TBX3: variants seen among roughly 807,000 people sequenced by gnomAD.
The protein encoded by TBX3 is T-box transcription factor 3, also known as T-box transcription factor TBX3.
In TBX3, 11 loss-of-function variants were observed where a neutral mutation model predicts 47.8. That is an observed-to-expected ratio of 0.23 (90% confidence interval 0.14 to 0.38). TBX3 has a LOEUF of 0.38. Among genes scored for constraint, TBX3 ranks in the 10% least tolerant of loss-of-function variants. The pLI, the probability that TBX3 is intolerant of heterozygous loss-of-function variation, is 1.00. For missense variants in TBX3, 927 were observed against 1,022.8 expected (o/e 0.91, Z 1.28); for synonymous variants, 500 against 449.3 (o/e 1.11, Z -1.43).
intron 3 of TBX3, among the ~76,000 whole-genome samples, 188 bp from the exon 4 acceptor site, chr12:114,677,844 G>A (rs1868772892): frequency 1.3e-5 from 2 of 152,140 alleles, no homozygotes; most frequent in African/African-American, 4.8e-5. Context: ...GCCAAACCAG[G>A]GATTTGGGGA....
chr12:114,679,076 G>C (rs1402640636), intron 3 of TBX3, among the ~76,000 whole-genome samples: 1 of 152,174 alleles, frequency 6.6e-6, no homozygotes, highest in East Asian at 1.9e-4. Flanking sequence ...GGGGAGAAAA[G>C]CTGGTCTCTA....
rs772542059 is a variant in TBX3 at position 114,672,013 on chromosome 12, T to C, written c.2000A>G (p.Asp667Gly). 6.3e-7 allele frequency: 1 copy of C among 1,596,134 alleles called. No individual in the cohort carries two copies. The highest frequency in any genetic ancestry group is 8.5e-7 in the Non-Finnish European group (1 of 1,171,830). The change falls in exon 7 of 7, where the codon GAC becomes GGC. Residue 667 changes from aspartate (D) to glycine (G), a missense_variant. Asp to Gly is a moderately conservative substitution (Grantham distance 94). Coordinates refer to ENST00000349155, the MANE Select transcript of TBX3 (RefSeq NM_005996.4). ...GCGGCTGTTGAGTTCAGAGCCCGAG[T>C]CCACTGCCACCGAGGCCGGGCTGGC... Reference protein sequence around the residue: ...LAASPASVAVDSGSELNSRSS... With the variant: ...LAASPASVAVGSGSELNSRSS...
intron 3 of TBX3, 121 bp from the exon 4 acceptor site, chr12:114,677,777 T>A: frequency 1.1e-6 from 1 of 898,626 alleles, no homozygotes; most frequent in Non-Finnish European, 1.8e-6. Flanking sequence ...CATATAGATA[T>A]GCCAGGGAAA....
In TBX3 at chr12:114,670,354, T is replaced by C. The variant is rs1565857124; in HGVS notation, c.*1487A>G. 1 of 224,402 alleles carries C rather than the reference T, an allele frequency of 4.5e-6. No homozygotes were observed. The highest frequency in any genetic ancestry group is 8.9e-6 in the Non-Finnish European group (1 of 112,646). 13.9% of individuals were successfully genotyped at this position (224,402 alleles called of 1,614,324 possible). On this transcript the variant is annotated 3_prime_UTR_variant, in exon 7 of 7. Coordinates refer to ENST00000349155, the MANE Select transcript of TBX3 (RefSeq NM_005996.4). Reference sequence around the variant, plus strand: ...ACTCATCAACAACTATAACACAAAATATACCTTCATGAATTTGTCTTTAAA... The same window carrying C: ...ACTCATCAACAACTATAACACAAAACATACCTTCATGAATTTGTCTTTAAA...
intron 6 of TBX3, 115 bp from the exon 7 acceptor site, chr12:114,672,417 CTGTTGT>C (rs904587466): frequency 2.7e-5 from 20 of 744,768 alleles, no homozygotes; most frequent in South Asian, 1.8e-4. Context: ...CTGGTATGTT[CTGTTGT>C]TGTTGTTGTT....
intron 6 of TBX3, among the ~76,000 whole-genome samples, chr12:114,673,035 A>C (rs967012166): frequency 2.6e-5 from 4 of 152,248 alleles, no homozygotes; most frequent in East Asian, 1.9e-4. Context: ...AATTGGCAGA[A>C]GCAGCATTTA....
rs558420030 is a variant in TBX3 at position 114,671,896 on chromosome 12, C to T, written c.2117G>A (p.Arg706Gln). 3.2e-6 allele frequency: 5 copies of T among 1,578,136 alleles called. No homozygotes were observed. Among genetic ancestry groups the T allele is most frequent in the East Asian group, 2.3e-5 (1 of 42,910 alleles). ...AATSELQSIQ[R>Q]LVSGLEAKPD... ...CTTGGCTTCCAAGCCGCTAACCAACCGCTGGATGCTCTGCAGTTCGCTGGT... is the reference window on the plus strand; with the variant it reads ...CTTGGCTTCCAAGCCGCTAACCAACTGCTGGATGCTCTGCAGTTCGCTGGT... Residue 706 changes from arginine (R) to glutamine (Q), a missense_variant, in exon 7 of 7, where the codon CGG (arginine) becomes CAG (glutamine). Coordinates refer to ENST00000349155, the MANE Select transcript of TBX3 (RefSeq NM_005996.4).
At chr12:114,677,751 G>C (rs1868768970) in intron 3 of TBX3, 95 bp from the exon 4 acceptor site, 1 of 1,155,914 alleles carries the variant, frequency 8.7e-7, no homozygotes, top group East Asian at 2.4e-5. Context: ...CTAGAGATGT[G>C]ACTGCCAACA....
chr12:114,671,583 A>C lies in TBX3; in HGVS notation c.*258T>G, dbSNP rs2121373188. On this transcript the variant is annotated 3_prime_UTR_variant, in exon 7 of 7. Coordinates refer to ENST00000349155, the MANE Select transcript of TBX3 (RefSeq NM_005996.4). ...AGTTGCTCTGGACATAAATGTTGGA[A>C]CTCCTACCCCCAGTAGCTCAATGCA... The C allele has an allele frequency of 1.8e-6, 1 of 570,350 alleles. No individual in the cohort carries two copies. The highest frequency in any genetic ancestry group is 2.1e-5 in the South Asian group (1 of 48,546). The allele number at this position is 570,350 out of a possible 1,614,324, so 35.3% of individuals were successfully genotyped here. A position where few individuals can be genotyped will look rare whatever the true frequency, so the allele number is the denominator to read the frequency against.
chr12:114,678,414 GGAA>G (rs546667908), intron 3 of TBX3, among the ~76,000 whole-genome samples: 89 of 152,276 alleles, frequency 5.8e-4, no homozygotes, highest in African/African-American at 2.0e-3. Context: ...CCCCTTGGTG[GGAA>G]GAAGAAGTTA....
At position 114,671,868 on chromosome 12, in the gene TBX3, C is replaced by T. The variant is rs142609038; in HGVS notation, c.2145G>A (p.Pro715=). The change falls in exon 7 of 7, where the codon CCG becomes CCA. Residue 715 remains proline (P), a synonymous_variant. Transcript: ENST00000349155. ...ACGGGGACGCGCTGCGGGACCTGTCCGGCTTGGCTTCCAAGCCGCTAACCA... is the reference window on the plus strand; with the variant it reads ...ACGGGGACGCGCTGCGGGACCTGTCTGGCTTGGCTTCCAAGCCGCTAACCA... ...QRLVSGLEAK[P]DRSRSASP 1.3e-6 allele frequency: 2 copies of T among 1,560,170 alleles called. No homozygotes were observed. The highest frequency in any genetic ancestry group is 1.9e-5 in the Admixed American group (1 of 51,924).
In TBX3 at chr12:114,683,020, C is replaced by G; in HGVS notation, c.181G>C (p.Ala61Pro). The G allele has an allele frequency of 6.2e-7, 1 of 1,610,686 alleles. No individual in the cohort carries two copies. Among genetic ancestry groups the G allele is most frequent in the Non-Finnish European group, 8.5e-7 (1 of 1,177,882 alleles). The change falls in exon 1 of 7, where the codon GCC becomes CCC. Residue 61 changes from alanine to proline, a missense_variant. Ala to Pro is a conservative substitution (Grantham distance 27, BLOSUM62 -1). Transcript: ENST00000349155. This position sits in a 1 kb window ranked among gnomAD's most constrained non-coding sequence, Gnocchi z 7.7. ...AAALSLPGAL[A>P]KPIMDQLVGA... is the part of the protein sequence containing the mutation. ...ACCAATTGATCCATGATCGGCTTGG[C>G]CAGGGCGCCCGGCAGCGAGAGCGCC...
chr12:114,675,633 A>AGTGTGT (rs3068612), intron 5 of TBX3, among the ~76,000 whole-genome samples: 1,632 of 150,054 alleles, frequency 0.011, 7 homozygotes, highest in Non-Finnish European at 0.017. Context: ...TCCCGTTGAG[A>AGTGTGT]GTGTGTGTGT....
In TBX3 at chr12:114,681,008, G is replaced by A. The variant is rs778922142; in HGVS notation, c.528C>T (p.Ala176=). 11 of 1,612,516 alleles carry A rather than the reference G, an allele frequency of 6.8e-6. No individual in the cohort carries two copies. Among genetic ancestry groups the A allele is most frequent in the South Asian group, 4.4e-5 (4 of 90,946 alleles). The change falls in exon 2 of 7, where the codon GCC becomes GCT. Residue 176 remains alanine (A), a synonymous_variant. Coordinates refer to ENST00000349155, the MANE Select transcript of TBX3 (RefSeq NM_005996.4). ...ACATCCTCTTTGGCATTTCGGGGTC[G>A]GCCTTACCAGCCACCATCCACCGAG... ...HNSRWMVAGK[A]DPEMPKRMYI... is the part of the protein sequence containing the mutation.
chr12:114,680,859 A>C lies in TBX3; in HGVS notation c.657+20T>G. The C allele has an allele frequency of 6.2e-7, 1 of 1,614,202 alleles. No homozygotes were observed. Among genetic ancestry groups the C allele is most frequent in the Non-Finnish European group, 8.5e-7 (1 of 1,180,036 alleles). On this transcript the variant is annotated intron_variant, in intron 2 of 6. Transcript: ENST00000349155. The stretch of plus-strand genomic sequence containing the variant: ...AGTGAAGGAGGAGAAAATTTTACTG[A>C]AGAGAGCAATGAAACTTACAAATCC...
intron 4 of TBX3, 121 bp downstream of exon 4, chr12:114,677,459 A>G (rs895711829): frequency 2.7e-5 from 25 of 934,030 alleles, no homozygotes; most frequent in Non-Finnish European, 4.3e-5. Flanking sequence ...CAGTGGGGAA[A>G]GTGAATGATT....
rs752063506 is a variant in TBX3, at chr12:114,680,866, C to T, written c.657+13G>A. ...GAGGAGAAAATTTTACTGAAGAGAG[C>T]AATGAAACTTACAAATCCATGTTTG... On this transcript the variant is annotated intron_variant, in intron 2 of 6. Transcript: ENST00000349155. The T allele has an allele frequency of 2.5e-6, 4 of 1,614,102 alleles. No individual in the cohort carries two copies. Among genetic ancestry groups the T allele is most frequent in the Admixed American group, 1.7e-5 (1 of 60,022 alleles).
chr12:114,678,020 T>TCACACACACACACA (rs3068592), intron 3 of TBX3, among the ~76,000 whole-genome samples: 17 of 144,252 alleles, frequency 1.2e-4, no homozygotes, highest in South Asian at 2.3e-4. Context: ...CATACTCCCT[T>TCACACACACACACA]CACACACACA....
chr12:114,674,949 C>A lies in TBX3; in HGVS notation c.1040-114G>T, dbSNP rs951094528. 1.6e-5 allele frequency: 23 copies of A among 1,397,854 alleles called. No individual in the cohort carries two copies. The Admixed American group carries it at 3.0e-4, about 18-fold the overall frequency. 86.6% of individuals were successfully genotyped at this position (1,397,854 alleles called of 1,614,324 possible). A position where few individuals can be genotyped will look rare whatever the true frequency, so the allele number is the denominator to read the frequency against. ...GCTCGTGGCTTAGTGGCTGTGTAAT[C>A]CCGGGGAAAGCCCCTTAGCCTCTCT... On this transcript the variant is annotated intron_variant, in intron 5 of 6. Transcript: ENST00000349155.
Sources: allele counts gnomAD v4.1 joint callset (sites outside exome capture counted in the v4.1 genomes callset), GRCh38; gene constraint gnomAD v4.1.1; non-coding constraint Gnocchi (gnomAD v3.1); transcripts MANE v1.5; gene names NCBI Gene and HGNC (gene_info 2026-07-23, HGNC 2026-07-21).